CDC27: variants seen among roughly 807,000 people sequenced by gnomAD.
The protein encoded by CDC27 is cell division cycle protein 27 homolog.
In CDC27, 27 loss-of-function variants were observed where a neutral mutation model predicts 109.7. The ratio of observed to expected loss-of-function variants is 0.25; its 90% CI spans 0.18 to 0.34. CDC27 has a LOEUF of 0.34. CDC27 is among the 10% of genes least tolerant of loss of function. The pLI, the probability that CDC27 is intolerant of heterozygous loss-of-function variation, is 1.00. For missense variants in CDC27, 579 were observed against 960.2 expected, an observed-to-expected ratio of 0.60 and a Z score of 5.25; for synonymous variants, 266 against 333.9, an observed-to-expected ratio of 0.80 and a Z score of 2.22.
chr17:47,133,943 G>T (rs898529972), intron 14 of CDC27, among the ~76,000 whole-genome samples: 143 of 152,214 alleles, frequency 9.4e-4, no homozygotes, highest in Non-Finnish European at 1.8e-3. Context: ...TAGAGACGAG[G>T]TTTCCCCATG....
intron 7 of CDC27, 115 bp from the exon 8 acceptor site, chr17:47,154,901 A>C (rs1216283038): frequency 1.8e-6 from 1 of 564,044 alleles, no homozygotes; most frequent in South Asian, 2.6e-5. Flanking sequence ...TCTTAGGGAC[A>C]GTGAGGATCT....
intron 2 of CDC27, among the ~76,000 whole-genome samples, chr17:47,175,661 CAA>C (rs1446393231): frequency 1.3e-5 from 2 of 152,084 alleles, no homozygotes; most frequent in African/African-American, 4.8e-5. Flanking sequence ...ACTAAAAATA[CAA>C]AAATTAATCA....
chr17:47,136,128 C>A (rs1433195393), intron 14 of CDC27, among the ~76,000 whole-genome samples: 1 of 151,788 alleles, frequency 6.6e-6, no homozygotes, highest in Non-Finnish European at 1.5e-5. Context: ...GGTGACAGAG[C>A]GAGACTCTGC....
At chr17:47,166,834 C>G (rs1311790778) in intron 4 of CDC27, among the ~76,000 whole-genome samples, 1 of 151,978 alleles carries the variant, frequency 6.6e-6, no homozygotes, top group Non-Finnish European at 1.5e-5. Context: ...GTGAGACTTC[C>G]TCTTCAACCC....
intron 2 of CDC27, among the ~76,000 whole-genome samples, chr17:47,181,127 T>C (rs1438297896): frequency 2.0e-5 from 3 of 148,472 alleles, no homozygotes; most frequent in African/African-American, 7.4e-5. Flanking sequence ...TGGTGGTCCG[T>C]GCCTGCGGTC....
intron 11 of CDC27, 35 bp from the exon 12 acceptor site, chr17:47,142,060 AC>A (rs1344169104): frequency 2.7e-6 from 4 of 1,459,370 alleles, no homozygotes; most frequent in Non-Finnish European, 3.7e-6. Flanking sequence ...AAAGGAAAAA[AC>A]GCAATAAACT....
Position 47,176,315 on chromosome 17 carries a change from C to G in CDC27, c.104-4251G>C, listed in dbSNP as rs145632553. On this transcript the variant is annotated intron_variant, in intron 2 of 18. Transcript: ENST00000066544. ...TTCATTCTGTTGTTCAGAGTCATTT[C>G]TACTGTTGAACATTTCATCTACATA... is the stretch of plus-strand genomic sequence containing the variant. Among the ~76,000 whole-genome samples the G allele has an allele frequency of 2.3e-3, 355 of 151,770 alleles. 2 individuals carry two copies. The highest frequency in any genetic ancestry group is 0.014 in the Middle Eastern group (4 of 290).
chr17:47,138,760 G>A lies in CDC27; in HGVS notation c.1683C>T (p.Asp561=). ...ATACCTCTGGCGAATTTTTATCCAT[G>A]TCTGTTAAGTCTTTTGACAGAACTG... ...ALSVLSKDLT[D]MDKNSPEAWC... Residue 561 remains aspartate, a synonymous_variant, in exon 13 of 19, where the codon GAC becomes GAT. Coordinates refer to ENST00000066544, the MANE Select transcript of CDC27 (RefSeq NM_001256.6). 1 of 1,610,468 alleles carries A rather than the reference G, an allele frequency of 6.2e-7. No homozygotes were observed. The highest frequency in any genetic ancestry group is 8.5e-7 in the Non-Finnish European group (1 of 1,179,216).
At chr17:47,188,421 A>T (rs1172578578) in intron 1 of CDC27, among the ~76,000 whole-genome samples, 2 of 152,218 alleles carry the variant, frequency 1.3e-5, no homozygotes, top group Non-Finnish European at 2.9e-5. Flanking sequence ...AAATGGACAG[A>T]AACACCATTA....
chr17:47,142,132 T>C, intron 11 of CDC27, 97 bp downstream of exon 11: 2 of 1,116,428 alleles, frequency 1.8e-6, no homozygotes, highest in Non-Finnish European at 2.5e-6. Flanking sequence ...AACATCTATA[T>C]AAAAAACAAT....
intron 4 of CDC27, among the ~76,000 whole-genome samples, chr17:47,158,690 C>T (rs1442454421): frequency 6.6e-6 from 1 of 150,936 alleles, no homozygotes; most frequent in African/African-American, 2.4e-5. Flanking sequence ...ATGATCTTGG[C>T]TCACTGCAAC....
chr17:47,157,302 T>G lies in CDC27; in HGVS notation c.558A>C (p.Thr186=), dbSNP rs1230858432. ...FSNCLPNSCT[T]QVPNHSLSHR... ...GAGATAAACTATGATTAGGTACTTG[T>G]GTTGTGCAAGAGTTGGGCAGACAGT... Residue 186 remains threonine (T), a synonymous_variant, in exon 6 of 19, where the codon ACA becomes ACC. Transcript: ENST00000066544. 4 of 1,612,844 alleles carry G rather than the reference T, an allele frequency of 2.5e-6. No homozygotes were observed. The highest frequency in any genetic ancestry group is 2.7e-5 in the African/African-American group (2 of 74,842).
chr17:47,124,531 G>A (rs187252449), intron 16 of CDC27, among the ~76,000 whole-genome samples: 8 of 152,222 alleles, frequency 5.3e-5, no homozygotes, highest in South Asian at 2.1e-4. Context: ...TAATCTGCCC[G>A]CCTCAGCCTA....
chr17:47,154,875 G>A, intron 7 of CDC27, 89 bp from the exon 8 acceptor site: 2 of 661,154 alleles, frequency 3.0e-6, no homozygotes, highest in South Asian at 1.8e-5. Context: ...CTAAAAGGAA[G>A]AGAATGGCAA....
chr17:47,149,513 A>T (rs2063088061), intron 9 of CDC27, among the ~76,000 whole-genome samples: 2 of 150,242 alleles, frequency 1.3e-5, no homozygotes, highest in African/African-American at 4.9e-5. Flanking sequence ...CTGTCTTAAA[A>T]AAAAAAAAAA....
At chr17:47,124,097 A>G (rs2062056906) in intron 16 of CDC27, 137 bp from the exon 17 acceptor site, 2 of 563,810 alleles carry the variant, frequency 3.5e-6, no homozygotes, top group South Asian at 2.2e-5. Context: ...TTATTGTATT[A>G]GTTCTTATTG....
chr17:47,149,091 A>AG (rs113580361), intron 9 of CDC27, among the ~76,000 whole-genome samples: 11 of 151,532 alleles, frequency 7.3e-5, no homozygotes, highest in South Asian at 4.2e-4. Context: ...AAAAAAAAAA[A>AG]AAAAAGAAAA....
intron 14 of CDC27, among the ~76,000 whole-genome samples, chr17:47,134,606 G>T (rs1324437878): frequency 6.6e-6 from 1 of 151,974 alleles, no homozygotes; most frequent in Non-Finnish European, 1.5e-5. Context: ...CTCCCAAGCA[G>T]CTGGGACTAC....
intron 9 of CDC27, among the ~76,000 whole-genome samples, chr17:47,149,221 G>T (rs1223948683): frequency 4.0e-5 from 6 of 151,366 alleles, no homozygotes; most frequent in African/African-American, 1.5e-4. Context: ...TATAAGAAAT[G>T]ATAAAAAGGC....
Sources: gnomAD v4.1 joint callset for allele counts (sites outside exome capture counted in the v4.1 genomes callset) on GRCh38, gnomAD v4.1.1 for gene constraint, MANE v1.5 for transcripts, NCBI Gene and HGNC (gene_info 2026-07-23, HGNC 2026-07-21) for gene names.